DNAJB4: variants seen among roughly 807,000 people sequenced by gnomAD.
DNAJB4 encodes the protein DnaJ heat shock protein family (Hsp40) member B4.
In DNAJB4, 10 loss-of-function variants were observed where a neutral mutation model predicts 26.6. The observed-to-expected ratio is 0.38, with a 90% CI of 0.23 to 0.64. The LOEUF is 0.64. DNAJB4 is among the 30% of genes least tolerant of loss of function. The pLI is 0.58. For missense variants in DNAJB4, 328 were observed against 408.2 expected (o/e 0.80, Z 1.69); for synonymous variants, 136 against 134.8 (o/e 1.01, Z -0.06).
chr1:77,986,596 A>T (rs529079241), intron 1 of DNAJB4, among the ~76,000 whole-genome samples: 1 of 152,156 alleles, frequency 6.6e-6, no homozygotes, highest in Non-Finnish European at 1.5e-5. Context: ...AATCAGTTCA[A>T]ATTGACTTTG....
chr1:77,983,004 G>C (rs538243406), intron 1 of DNAJB4, among the ~76,000 whole-genome samples: 45 of 152,314 alleles, frequency 3.0e-4, no homozygotes, highest in African/African-American at 1.0e-3. Context: ...CCAGCGTTCA[G>C]CATATGGAGG....
chr1:78,003,741 A>T (rs1259125268), upstream of DNAJB4, among the ~76,000 whole-genome samples: 1 of 152,188 alleles, frequency 6.6e-6, no homozygotes, highest in Non-Finnish European at 1.5e-5. Flanking sequence ...ATGTCTCATA[A>T]ATACCTGAAA....
chr1:78,011,551 C>G (rs1660473838), intron 1 of DNAJB4, among the ~76,000 whole-genome samples: 2 of 146,604 alleles, frequency 1.4e-5, no homozygotes, highest in Non-Finnish European at 3.0e-5. Flanking sequence ...ATGGTGCAGT[C>G]TTGGCTCACT....
chr1:78,014,642 A>T (rs557968874), intron 2 of DNAJB4, among the ~76,000 whole-genome samples: 1 of 152,168 alleles, frequency 6.6e-6, no homozygotes, highest in East Asian at 1.9e-4. Context: ...TCTGTCACCC[A>T]TGCTGGAGTG....
intron 2 of DNAJB4, among the ~76,000 whole-genome samples, chr1:78,015,488 G>C (rs1446088316): frequency 9.5e-6 from 1 of 105,670 alleles, no homozygotes; most frequent in African/African-American, 3.6e-5. Flanking sequence ...AATAATGCAT[G>C]TCCTGAAGGA....
At position 77,990,554 on chromosome 1, in the gene DNAJB4, T is replaced by C. The variant is rs149215338; in HGVS notation, c.-32+10232T>C. ...ATAGATAACTAGGAATGCAGTCTTA[T>C]GCAGCAAAACTTACCAACTATTGAA... On this transcript the variant is annotated intron_variant, in intron 1 of 2. Transcript: ENST00000426517. Among the ~76,000 whole-genome samples, 30 of 152,358 alleles carry C rather than the reference T, an allele frequency of 2.0e-4. No homozygotes were observed. The East Asian group carries it at 5.8e-3, about 29-fold the overall frequency.
chr1:77,995,153 A>G (rs936742992), intron 1 of DNAJB4, among the ~76,000 whole-genome samples: 1 of 152,230 alleles, frequency 6.6e-6, no homozygotes, highest in Admixed American at 6.5e-5. Context: ...AAGAATGTAA[A>G]GTATTTCATT....
chr1:77,998,069 C>T (rs926176223), intron 1 of DNAJB4, among the ~76,000 whole-genome samples: 18 of 152,166 alleles, frequency 1.2e-4, no homozygotes, highest in African/African-American at 3.9e-4. Context: ...GCCACCGCAC[C>T]GGCCTCTGTT....
rs955698377 is a variant in DNAJB4 at position 78,017,526 on chromosome 1, A to G, written c.*1279A>G. On this transcript the variant is annotated 3_prime_UTR_variant, in exon 3 of 3. Transcript: ENST00000370763. ...TATTGAGATATAATTTACATGCCAT[A>G]AAGTTTACCCTTAAAATATATAATT... is the stretch of plus-strand genomic sequence containing the variant. 5.9e-5 allele frequency: 9 copies of G among 152,196 alleles called. No individual in the cohort carries two copies. Among genetic ancestry groups the G allele is most frequent in the African/African-American group, 2.2e-4 (9 of 41,566 alleles). The allele number at this position is 152,196 out of a possible 1,614,324, so 9.4% of individuals were successfully genotyped here.
intron 1 of DNAJB4, among the ~76,000 whole-genome samples, chr1:77,982,560 T>TGCCTGTAATCCTAGCAGTTTGGGAG (rs146270364): frequency 6.6e-6 from 1 of 151,718 alleles, no homozygotes; most frequent in African/African-American, 2.4e-5. Context: ...AGGTGCCTCA[T>TGCCTGTAATCCTAGCAGTTTGGGAG]GCCGAGGCGG....
intron 1 of DNAJB4, among the ~76,000 whole-genome samples, chr1:77,983,794 A>G (rs1389535125): frequency 6.6e-6 from 1 of 152,212 alleles, no homozygotes; most frequent in African/African-American, 2.4e-5. Flanking sequence ...ACTTCTTTCT[A>G]CACAGACACA....
Position 78,012,154 on chromosome 1 carries a change from C to CTTTTTTTTT in DNAJB4, c.212-893_212-892insTTTTTTTTT, listed in dbSNP as rs1324763074. On this transcript the variant is annotated intron_variant, in intron 1 of 2. Coordinates refer to ENST00000370763, the MANE Select transcript of DNAJB4 (RefSeq NM_007034.5). ...CCCAGTTTTATTTTCTTTTTCTTTT[C>CTTTTTTTTT]TTTTCTTTTTTTTTTTTTTTTTTTT... 2.4e-3 allele frequency among the ~76,000 whole-genome samples: 165 copies of CTTTTTTTTT among 69,340 alleles called. 17 individuals are homozygous for CTTTTTTTTT. The highest frequency in any genetic ancestry group is 3.0e-3 in the East Asian group (6 of 2,018). The allele number at this position is 69,340 out of a possible 152,430, so 45.5% of individuals were successfully genotyped here.
intron 1 of DNAJB4, 103 bp downstream of exon 1, chr1:78,005,424 T>A: frequency 9.0e-6 from 9 of 997,986 alleles, no homozygotes; most frequent in South Asian, 1.8e-5. Context: ...CTTGTTAAGG[T>A]TATCCTTAAA....
chr1:77,988,394 G>A (rs914368506), intron 1 of DNAJB4, among the ~76,000 whole-genome samples: 17 of 152,030 alleles, frequency 1.1e-4, no homozygotes, highest in Admixed American at 3.3e-4. Flanking sequence ...CCTATCATTC[G>A]CGTAAAACTC....
chr1:77,999,321 T>C (rs1323641806), intron 1 of DNAJB4, among the ~76,000 whole-genome samples: 1 of 152,192 alleles, frequency 6.6e-6, no homozygotes, highest in Non-Finnish European at 1.5e-5. Flanking sequence ...AGAAAAGCTC[T>C]TTGAAATCTT....
At chr1:78,013,754 ATAGTAC>A (rs1660560210) in intron 2 of DNAJB4, 135 bp downstream of exon 2, 2 of 694,040 alleles carry the variant, frequency 2.9e-6, no homozygotes, top group East Asian at 2.9e-5. Flanking sequence ...ATCCTCTAAG[ATAGTAC>A]TAGTATTATA....
At chr1:77,997,929 A>G (rs1000349186) in intron 1 of DNAJB4, among the ~76,000 whole-genome samples, 24 of 152,110 alleles carry the variant, frequency 1.6e-4, no homozygotes, top group African/African-American at 5.3e-4. Context: ...CTGAGACCAC[A>G]GGTGCACGCC....
intron 1 of DNAJB4, among the ~76,000 whole-genome samples, chr1:77,986,631 A>C (rs1426494359): frequency 6.6e-6 from 1 of 152,236 alleles, no homozygotes; most frequent in African/African-American, 2.4e-5. Context: ...TCAAATCACC[A>C]TTTGCTACTT....
intron 1 of DNAJB4, among the ~76,000 whole-genome samples, chr1:78,008,049 G>A (rs1660376270): frequency 6.6e-6 from 1 of 152,136 alleles, no homozygotes; most frequent in Non-Finnish European, 1.5e-5. Context: ...AATTTAAAAT[G>A]CTTTGTTTTA....
Sources: gnomAD v4.1 joint callset for allele counts (sites outside exome capture counted in the v4.1 genomes callset) on GRCh38, gnomAD v4.1.1 for gene constraint, MANE v1.5 for transcripts, NCBI Gene and HGNC (gene_info 2026-07-23, HGNC 2026-07-21) for gene names.